The following C8orf34 variants were observed in gnomAD, a reference collection of about 807,000 sequenced individuals.
C8orf34 encodes the protein uncharacterized protein C8orf34.
Under a neutral mutation model 68.3 loss-of-function variants are expected in C8orf34, and 65 were observed. The observed-to-expected ratio is 0.95, with a 90% CI of 0.78 to 1.17. The LOEUF (loss-of-function observed/expected upper bound fraction) is 1.17, where lower values mean the gene tolerates loss of function less well. C8orf34 is among the 50% of genes most tolerant of loss of function. The pLI, the probability that C8orf34 is intolerant of heterozygous loss-of-function variation, is 0.00. For missense variants in C8orf34, 664 were observed against 655.4 expected, an observed-to-expected ratio of 1.01 and a Z score of -0.14; for synonymous variants, 244 against 241.2, an observed-to-expected ratio of 1.01 and a Z score of -0.11.
At chr8:68,487,215 A>G (rs552061319) in intron 4 of C8orf34, among the ~76,000 whole-genome samples, 1 of 152,338 alleles carries the variant, frequency 6.6e-6, no homozygotes, top group South Asian at 2.1e-4. Flanking sequence ...ATGAGAAGAA[A>G]AGACAGCTCA....
chr8:68,721,528 C>T, intron 10 of C8orf34, 91 bp downstream of exon 10: 1 of 843,458 alleles, frequency 1.2e-6, no homozygotes, highest in East Asian at 2.8e-5. Flanking sequence ...ATAAAGCCAG[C>T]TTTCTTACTG....
chr8:68,812,992 A>T (rs1482181344), intron 12 of C8orf34, among the ~76,000 whole-genome samples: 1 of 152,202 alleles, frequency 6.6e-6, no homozygotes, highest in Non-Finnish European at 1.5e-5. Flanking sequence ...TGCAATGAAC[A>T]TGGTGCATCA....
chr8:68,399,702 T>C (rs1395903067), intron 1 of C8orf34, among the ~76,000 whole-genome samples: 1 of 152,176 alleles, frequency 6.6e-6, no homozygotes, highest in African/African-American at 2.4e-5. Context: ...GATCAAATGG[T>C]AATTCTATTT....
At chr8:68,462,060 G>A (rs905942426) in intron 3 of C8orf34, among the ~76,000 whole-genome samples, 4 of 152,052 alleles carry the variant, frequency 2.6e-5, no homozygotes, top group Non-Finnish European at 5.9e-5. Flanking sequence ...CACGTGCAGA[G>A]ACACACATAG....
At chr8:68,560,168 A>C (rs1371233914) in intron 7 of C8orf34, among the ~76,000 whole-genome samples, 1 of 151,400 alleles carries the variant, frequency 6.6e-6, no homozygotes, top group Non-Finnish European at 1.5e-5. Context: ...TGAATGAAAC[A>C]GTGTCGGAGT....
intron 8 of C8orf34, among the ~76,000 whole-genome samples, chr8:68,650,205 G>A (rs971553344): frequency 6.6e-6 from 1 of 151,852 alleles, no homozygotes; most frequent in Non-Finnish European, 1.5e-5. Flanking sequence ...TGATACCCGA[G>A]GTTCGTTGTC....
chr8:68,337,284 G>GC (rs1164572154), intron 1 of C8orf34, among the ~76,000 whole-genome samples: 2 of 152,184 alleles, frequency 1.3e-5, no homozygotes, highest in African/African-American at 4.8e-5. Flanking sequence ...AATATTGTAT[G>GC]CCCATGATAG....
intron 10 of C8orf34, among the ~76,000 whole-genome samples, chr8:68,747,966 C>G (rs1476811467): frequency 6.6e-6 from 1 of 151,918 alleles, no homozygotes; most frequent in Non-Finnish European, 1.5e-5. Context: ...GGAGACATCA[C>G]ACTACCTGAC....
intron 12 of C8orf34, among the ~76,000 whole-genome samples, chr8:68,813,932 C>G (rs1174019933): frequency 6.6e-6 from 1 of 152,136 alleles, no homozygotes; most frequent in Non-Finnish European, 1.5e-5. Context: ...GCTGTATATA[C>G]TTTTTTCTTA....
intron 7 of C8orf34, among the ~76,000 whole-genome samples, chr8:68,603,541 C>G (rs1488206927): frequency 2.3e-5 from 2 of 87,586 alleles, no homozygotes; most frequent in Non-Finnish European, 4.1e-5. Context: ...ATCTATCTAT[C>G]TATCTATCTA....
chr8:68,441,581 C>T (rs571817485), intron 2 of C8orf34, among the ~76,000 whole-genome samples: 9 of 151,978 alleles, frequency 5.9e-5, no homozygotes, highest in South Asian at 2.1e-4. Flanking sequence ...TCACTATAAC[C>T]GTGAACTCCT....
rs565632233 is a variant in C8orf34, at chr8:68,586,016, T to A, written c.1105+52867T>A. 4.1e-3 allele frequency among the ~76,000 whole-genome samples: 622 copies of A among 152,194 alleles called. 5 individuals carry two copies. Among genetic ancestry groups the A allele is most frequent in the African/African-American group, 0.014 (593 of 41,542 alleles). ...CAAGATGGGGACCTTTGGGACCATC[T>A]TGGAGGCTGGTTACCACCTATTAAT... On this transcript the variant is annotated intron_variant, in intron 7 of 13. Coordinates refer to ENST00000518698, the MANE Select transcript of C8orf34 (RefSeq NM_052958.4).
intron 8 of C8orf34, among the ~76,000 whole-genome samples, chr8:68,667,979 G>A (rs1819890655): frequency 6.6e-6 from 1 of 151,994 alleles, no homozygotes; most frequent in African/African-American, 2.4e-5. Flanking sequence ...ATTCTGCCAT[G>A]AAACATCCAA....
intron 3 of C8orf34, among the ~76,000 whole-genome samples, chr8:68,454,249 T>G (rs1031559616): frequency 6.6e-6 from 1 of 152,076 alleles, no homozygotes; most frequent in Non-Finnish European, 1.5e-5. Flanking sequence ...TGTCTTTATC[T>G]GTGGTACTGG....
intron 12 of C8orf34, among the ~76,000 whole-genome samples, chr8:68,797,404 T>C (rs1180726947): frequency 6.6e-6 from 1 of 152,132 alleles, no homozygotes; most frequent in Non-Finnish European, 1.5e-5. Flanking sequence ...TGACCCATGC[T>C]TCACTCATGA....
chr8:68,677,811 A>G (rs1820240395), intron 8 of C8orf34, among the ~76,000 whole-genome samples: 1 of 152,224 alleles, frequency 6.6e-6, no homozygotes, highest in South Asian at 2.1e-4. Flanking sequence ...GGCAGTTTGA[A>G]AACAAAAATG....
At chr8:68,557,373 A>G (rs1475211457) in intron 7 of C8orf34, among the ~76,000 whole-genome samples, 1 of 152,214 alleles carries the variant, frequency 6.6e-6, no homozygotes, top group Non-Finnish European at 1.5e-5. Context: ...TTGAGCCCCA[A>G]AAGCTTAACA....
At chr8:68,672,512 G>T (rs1211057228) in intron 8 of C8orf34, among the ~76,000 whole-genome samples, 1 of 152,188 alleles carries the variant, frequency 6.6e-6, no homozygotes, top group Non-Finnish European at 1.5e-5. Context: ...GTGCTGCCCG[G>T]TCACAATGGA....
At chr8:68,504,060 C>A (rs1439018614) in intron 5 of C8orf34, among the ~76,000 whole-genome samples, 1 of 152,178 alleles carries the variant, frequency 6.6e-6, no homozygotes, top group Non-Finnish European at 1.5e-5. Context: ...AAAAGAAACT[C>A]TATCCATTGC....
Sources: allele counts gnomAD v4.1 joint callset (sites outside exome capture counted in the v4.1 genomes callset), GRCh38; gene constraint gnomAD v4.1.1; transcripts MANE v1.5; gene names NCBI Gene and HGNC (gene_info 2026-07-23, HGNC 2026-07-21).